The following NRG3 variants were observed in gnomAD, a reference collection of about 807,000 sequenced individuals.
NRG3 encodes the protein pro-neuregulin-3, membrane-bound isoform.
A neutral mutation model predicts 66.9 loss-of-function variants in NRG3; 31 were observed. The ratio of observed to expected loss-of-function variants is 0.46; its 90% CI spans 0.35 to 0.63. NRG3 has a LOEUF of 0.63. Ranked by LOEUF, NRG3 falls within the 20% of genes least tolerant of loss-of-function variation. The pLI is 0.00. For missense variants in NRG3, 910 were observed against 878.9 expected (o/e 1.04, Z -0.45); for synonymous variants, 393 against 359.4 (o/e 1.09, Z -1.06).
At chr10:82,278,361 G>A (rs1417923342) in intron 1 of NRG3, among the ~76,000 whole-genome samples, 1 of 152,094 alleles carries the variant, frequency 6.6e-6, no homozygotes, top group African/African-American at 2.4e-5. Context: ...CTTCTTTAGT[G>A]AGTGGTGCTG....
intron 1 of NRG3, among the ~76,000 whole-genome samples, chr10:81,905,303 C>T (rs947615539): frequency 2.0e-5 from 3 of 152,104 alleles, no homozygotes; most frequent in Admixed American, 2.0e-4. Context: ...TTTTTGGCAG[C>T]TTTTCCCACT....
intron 1 of NRG3, among the ~76,000 whole-genome samples, chr10:82,343,215 A>G (rs368587122): frequency 1.2e-4 from 19 of 152,294 alleles, no homozygotes; most frequent in African/African-American, 4.3e-4. Flanking sequence ...AAGTTTCAGG[A>G]TACAAAATCA....
At chr10:82,048,907 A>G (rs906169899) in intron 1 of NRG3, among the ~76,000 whole-genome samples, 6 of 152,122 alleles carry the variant, frequency 3.9e-5, no homozygotes, top group Non-Finnish European at 7.4e-5. Flanking sequence ...ATAAAAAATG[A>G]TAAAGGGGAT....
At chr10:82,169,120 T>G (rs931736530) in intron 1 of NRG3, among the ~76,000 whole-genome samples, 1 of 152,136 alleles carries the variant, frequency 6.6e-6, no homozygotes, top group Non-Finnish European at 1.5e-5. Context: ...ATAGCAATTA[T>G]GTGAAGAAAG....
At chr10:82,034,878 A>AC (rs2062730644) in intron 1 of NRG3, among the ~76,000 whole-genome samples, 9 of 152,002 alleles carry the variant, frequency 5.9e-5, no homozygotes, top group Admixed American at 5.9e-4. Flanking sequence ...CTGGCAGCCC[A>AC]CACCCAGTGG....
chr10:82,765,085 G>GTTTC (rs1371383550), intron 3 of NRG3, among the ~76,000 whole-genome samples: 1 of 152,020 alleles, frequency 6.6e-6, no homozygotes. Flanking sequence ...AATATATTTT[G>GTTTC]GAAAGGGTTT....
chr10:81,894,325 C>T (rs1371148406), intron 1 of NRG3, among the ~76,000 whole-genome samples: 1 of 151,882 alleles, frequency 6.6e-6, no homozygotes, highest in Non-Finnish European at 1.5e-5. Context: ...TGGACTCTGT[C>T]TCAAAAAAGG....
intron 2 of NRG3, among the ~76,000 whole-genome samples, chr10:82,620,398 G>A (rs1383679700): frequency 6.6e-6 from 1 of 152,142 alleles, no homozygotes; most frequent in Non-Finnish European, 1.5e-5. Flanking sequence ...ATGGCTCTCG[G>A]CAGAGAGGGG....
At chr10:82,280,358 A>G (rs2079063748) in intron 1 of NRG3, among the ~76,000 whole-genome samples, 1 of 152,168 alleles carries the variant, frequency 6.6e-6, no homozygotes, top group African/African-American at 2.4e-5. Context: ...CAACTGGCAG[A>G]GCCTTTTGAC....
intron 1 of NRG3, among the ~76,000 whole-genome samples, chr10:82,091,982 A>G (rs17099378): frequency 0.038 from 5,752 of 152,302 alleles, 150 homozygotes; most frequent in East Asian, 0.1. Context: ...ACAGTTTTCA[A>G]GGTTGAAACA....
At chr10:82,644,850 T>A (rs538549546) in intron 2 of NRG3, among the ~76,000 whole-genome samples, 1 of 152,266 alleles carries the variant, frequency 6.6e-6, no homozygotes, top group Admixed American at 6.5e-5. Flanking sequence ...GAAACACATT[T>A]TTCCCCTACA....
intron 1 of NRG3, among the ~76,000 whole-genome samples, chr10:82,291,309 T>G (rs1164423548): frequency 6.6e-6 from 1 of 152,112 alleles, no homozygotes; most frequent in East Asian, 1.9e-4. Context: ...CTGTACATAC[T>G]GAAAATTTAA....
chr10:82,088,441 G>GT (rs1046349030), intron 1 of NRG3, among the ~76,000 whole-genome samples: 2 of 152,090 alleles, frequency 1.3e-5, no homozygotes, highest in African/African-American at 4.8e-5. Context: ...TATAAATGCA[G>GT]TATCTCCTGT....
intron 1 of NRG3, among the ~76,000 whole-genome samples, chr10:82,068,529 T>G (rs188295819): frequency 6.6e-6 from 1 of 152,292 alleles, no homozygotes; most frequent in Non-Finnish European, 1.5e-5. Context: ...CAAATAAATG[T>G]ATAAGGTAAG....
intron 2 of NRG3, among the ~76,000 whole-genome samples, chr10:82,518,756 G>A (rs912526350): frequency 6.6e-6 from 1 of 151,924 alleles, no homozygotes; most frequent in Non-Finnish European, 1.5e-5. Context: ...GGTCTGAATG[G>A]GCAATTTCTC....
At chr10:82,055,791 T>C (rs1445346476) in intron 1 of NRG3, among the ~76,000 whole-genome samples, 1 of 152,096 alleles carries the variant, frequency 6.6e-6, no homozygotes, top group African/African-American at 2.4e-5. Flanking sequence ...CTTATGTCGA[T>C]GAGAAGGGCT....
rs2132717779 is a variant in NRG3, at chr10:82,986,401, T to A, written c.*796T>A. On this transcript the variant is annotated 3_prime_UTR_variant, in exon 9 of 9. Transcript: ENST00000372141. ...ATGTGTGTGCGAGCGTGTGTGTGTG[T>A]GGACTTGCTCACGCGGGCACATATG... 6.6e-6 allele frequency: 1 copy of A among 152,332 alleles called. No homozygotes were observed. The highest frequency in any genetic ancestry group is 6.5e-5 in the Admixed American group (1 of 15,306). The allele number at this position is 152,332 out of a possible 1,614,324, so 9.4% of individuals were successfully genotyped here.
At chr10:82,614,973 C>T (rs998372221) in intron 2 of NRG3, among the ~76,000 whole-genome samples, 2 of 151,756 alleles carry the variant, frequency 1.3e-5, no homozygotes, top group African/African-American at 4.8e-5. Context: ...CTACAGTTTC[C>T]CTTATGTTTA....
chr10:82,128,575 T>C (rs1209534463), intron 1 of NRG3, among the ~76,000 whole-genome samples: 1 of 152,078 alleles, frequency 6.6e-6, no homozygotes, highest in Non-Finnish European at 1.5e-5. Flanking sequence ...TAATGCTGCA[T>C]TGAACAAATT....
Sources: gnomAD v4.1 joint callset for allele counts (sites outside exome capture counted in the v4.1 genomes callset) on GRCh38, gnomAD v4.1.1 for gene constraint, MANE v1.5 for transcripts, NCBI Gene and HGNC (gene_info 2026-07-23, HGNC 2026-07-21) for gene names.